RPA3: variants seen among roughly 807,000 people sequenced by gnomAD.
RPA3 encodes replication protein A3, also known as replication protein A 14 kDa subunit.
RPA3 carries 24 observed loss-of-function variants against 13.7 expected under a neutral mutation model. The ratio of observed to expected loss-of-function variants is 1.75; its 90% CI spans 1.27 to 2.46. The LOEUF is 2.46. Ranked by LOEUF, RPA3 falls within the 30% of genes most tolerant of loss-of-function variation. The pLI is 0.00. For synonymous variants in RPA3, 59 were observed against 51.2 expected (o/e 1.15, Z -0.65); for missense variants, 183 against 151.0 (o/e 1.21, Z -1.11).
chr7:7,689,403 A>G (rs888358544), intron 2 of RPA3: 6 of 152,204 alleles, frequency 3.9e-5, no homozygotes, highest in African/African-American at 1.4e-4. Flanking sequence ...AACCATGATG[A>G]CATTGTTGAA....
At chr7:7,701,553 T>G (rs1780462507) in intron 2 of RPA3, among the ~76,000 whole-genome samples, 2 of 152,210 alleles carry the variant, frequency 1.3e-5, no homozygotes, top group South Asian at 4.1e-4. Context: ...AGTAGTATTT[T>G]TCTGAACCTT....
chr7:7,715,011 A>G (rs934697346), intron 2 of RPA3, among the ~76,000 whole-genome samples, 164 bp downstream of exon 2: 2 of 152,180 alleles, frequency 1.3e-5, no homozygotes, highest in Admixed American at 6.5e-5. Context: ...CAATGAAACT[A>G]GAACTAACCA....
intron 4 of RPA3, among the ~76,000 whole-genome samples, chr7:7,666,300 C>A (rs1779454673): frequency 6.6e-6 from 1 of 151,908 alleles, no homozygotes; most frequent in Non-Finnish European, 1.5e-5. Flanking sequence ...ACATCCTGGT[C>A]TCAAGCAATC....
chr7:7,703,912 A>C lies in RPA3; in HGVS notation c.-1028+11263T>G, dbSNP rs532762428. ...AGCCATGACTGTGTCACTGCAGTGA[A>C]GCCTGGGCGACAGATAACCTGTCTC... On this transcript the variant is annotated intron_variant, in intron 2 of 7. Coordinates refer to ENST00000223129, the MANE Select transcript of RPA3 (RefSeq NM_002947.5). 2.0e-5 allele frequency among the ~76,000 whole-genome samples: 3 copies of C among 152,216 alleles called. No homozygotes were observed. The South Asian group carries it at 6.2e-4, about 32-fold the overall frequency.
chr7:7,655,315 G>T (rs776180288), intron 4 of RPA3, among the ~76,000 whole-genome samples: 1 of 152,156 alleles, frequency 6.6e-6, no homozygotes, highest in Non-Finnish European at 1.5e-5. Context: ...TGAAATCCAC[G>T]TGTCTCATTT....
chr7:7,639,917 A>G, intron 5 of RPA3: 1 of 233,852 alleles, frequency 4.3e-6, no homozygotes, highest in Non-Finnish European at 8.6e-6. Flanking sequence ...AGAAGCGATC[A>G]CAACGAGGAA....
At chr7:7,648,932 G>A (rs879679361) in intron 4 of RPA3, among the ~76,000 whole-genome samples, 3 of 152,086 alleles carry the variant, frequency 2.0e-5, no homozygotes, top group Non-Finnish European at 4.4e-5. Context: ...GCCGAGGTGG[G>A]TGGATCACCT....
intron 4 of RPA3, among the ~76,000 whole-genome samples, chr7:7,642,762 A>G (rs1184871562): frequency 6.6e-6 from 1 of 152,186 alleles, no homozygotes; most frequent in African/African-American, 2.4e-5. Context: ...AGTTACCAGT[A>G]AATTTTACCA....
chr7:7,676,190 T>C (rs1779733916), intron 4 of RPA3: 1 of 398,676 alleles, frequency 2.5e-6, no homozygotes, highest in Non-Finnish European at 4.4e-6. Flanking sequence ...CTCCACGACT[T>C]ACTCTCTACC....
chr7:7,699,481 T>C (rs1022520412), intron 2 of RPA3, among the ~76,000 whole-genome samples: 7 of 151,710 alleles, frequency 4.6e-5, no homozygotes, highest in African/African-American at 1.7e-4. Flanking sequence ...TGTTTAAAAA[T>C]AGTGGCACCA....
intron 1 of RPA3, among the ~76,000 whole-genome samples, chr7:7,717,259 G>T (rs1780939479): frequency 6.6e-6 from 1 of 151,920 alleles, no homozygotes; most frequent in African/African-American, 2.4e-5. Flanking sequence ...GTTTCACCAC[G>T]TTGGCCTGGC....
intron 4 of RPA3, among the ~76,000 whole-genome samples, chr7:7,647,346 C>T (rs987531070): frequency 2.6e-5 from 4 of 152,116 alleles, no homozygotes; most frequent in African/African-American, 9.7e-5. Flanking sequence ...TTGTCTAATT[C>T]TTTGCAATTA....
At chr7:7,662,315 G>A (rs1413287534) in intron 4 of RPA3, among the ~76,000 whole-genome samples, 4 of 152,152 alleles carry the variant, frequency 2.6e-5, no homozygotes, top group South Asian at 4.1e-4. Context: ...CCAGGGCAGT[G>A]AATGGTTCTG....
intron 2 of RPA3, among the ~76,000 whole-genome samples, chr7:7,708,280 C>G (rs1780656272): frequency 6.6e-6 from 1 of 152,158 alleles, no homozygotes; most frequent in Non-Finnish European, 1.5e-5. Context: ...TGATTTACAA[C>G]CCTCCCTTTC....
At chr7:7,685,604 G>A (rs1173527631) in intron 4 of RPA3, among the ~76,000 whole-genome samples, 4 of 152,156 alleles carry the variant, frequency 2.6e-5, no homozygotes, top group African/African-American at 4.8e-5. Flanking sequence ...CACCGTGCCC[G>A]GCCACATTAA....
intron 4 of RPA3, among the ~76,000 whole-genome samples, chr7:7,667,661 C>T (rs1233754386): frequency 6.6e-6 from 1 of 152,158 alleles, no homozygotes; most frequent in Non-Finnish European, 1.5e-5. Context: ...TAAATGTCTT[C>T]ACAGCATAGA....
intron 4 of RPA3, among the ~76,000 whole-genome samples, chr7:7,670,685 T>C (rs923663154): frequency 6.6e-6 from 1 of 152,236 alleles, no homozygotes; most frequent in Non-Finnish European, 1.5e-5. Context: ...GATGTGGTAC[T>C]CTTGGTCTGG....
intron 4 of RPA3, among the ~76,000 whole-genome samples, chr7:7,672,477 A>G (rs1779630816): frequency 6.6e-6 from 1 of 152,138 alleles, no homozygotes; most frequent in South Asian, 2.1e-4. Flanking sequence ...ATGGGTACTG[A>G]TATGGTTTGG....
intron 2 of RPA3, among the ~76,000 whole-genome samples, chr7:7,700,540 C>G (rs2115152939): frequency 6.6e-6 from 1 of 152,116 alleles, no homozygotes; most frequent in South Asian, 2.1e-4. Flanking sequence ...TACTGGGTAA[C>G]ATAGTGAGAC....
Sources: gnomAD v4.1 joint callset for allele counts (sites outside exome capture counted in the v4.1 genomes callset) on GRCh38, gnomAD v4.1.1 for gene constraint, MANE v1.5 for transcripts, NCBI Gene and HGNC (gene_info 2026-07-23, HGNC 2026-07-21) for gene names.